The following ST6GALNAC3 variants were observed in gnomAD, a reference collection of about 807,000 sequenced individuals.
ST6GALNAC3 encodes the protein alpha-N-acetylgalactosaminide alpha-2,6-sialyltransferase 3.
In ST6GALNAC3, 25 loss-of-function variants were observed where a neutral mutation model predicts 32.7. The observed-to-expected ratio is 0.76, with a 90% CI of 0.56 to 1.07. The LOEUF (loss-of-function observed/expected upper bound fraction) is 1.07, where lower values mean the gene tolerates loss of function less well. Ranked by LOEUF, ST6GALNAC3 falls within the 50% of genes least tolerant of loss-of-function variation. The pLI is 0.00. For synonymous variants in ST6GALNAC3, 129 were observed against 133.1 expected (o/e 0.97, Z 0.21); for missense variants, 355 against 382.4 (o/e 0.93, Z 0.60).
intron 2 of ST6GALNAC3, among the ~76,000 whole-genome samples, chr1:76,405,609 TTG>T (rs34437349): frequency 0.43 from 64,714 of 149,678 alleles, 14,561 homozygotes; most frequent in South Asian, 0.58. Flanking sequence ...GTGTGTGTAT[TTG>T]TGTGTGTGTG....
At chr1:76,321,641 A>G in intron 2 of ST6GALNAC3, among the ~76,000 whole-genome samples, 1 of 152,194 alleles carries the variant, frequency 6.6e-6, no homozygotes, top group East Asian at 1.9e-4. Flanking sequence ...GGGGCCAAAC[A>G]CAAGTCACAT....
intron 2 of ST6GALNAC3, among the ~76,000 whole-genome samples, chr1:76,381,439 C>T (rs1413743622): frequency 1.3e-5 from 2 of 151,980 alleles, no homozygotes; most frequent in African/African-American, 2.4e-5. Context: ...TATTAGTAAA[C>T]ATTTATTGAA....
intron 2 of ST6GALNAC3, among the ~76,000 whole-genome samples, chr1:76,343,124 G>A (rs1326295014): frequency 6.6e-6 from 1 of 151,946 alleles, no homozygotes; most frequent in African/African-American, 2.4e-5. Flanking sequence ...TTGCTTTGGG[G>A]ATCTTCATCA....
At chr1:76,194,270 A>G (rs1654067958) in intron 1 of ST6GALNAC3, among the ~76,000 whole-genome samples, 1 of 152,200 alleles carries the variant, frequency 6.6e-6, no homozygotes, top group African/African-American at 2.4e-5. Flanking sequence ...TGAGATATAG[A>G]GTACGAGCTT....
chr1:76,406,514 A>G (rs1557860475), intron 2 of ST6GALNAC3, among the ~76,000 whole-genome samples: 1 of 152,060 alleles, frequency 6.6e-6, no homozygotes. Flanking sequence ...AATTTCAGCC[A>G]TATTTCAAGC....
chr1:76,235,012 G>A (rs17098450), intron 1 of ST6GALNAC3, among the ~76,000 whole-genome samples: 12,082 of 152,164 alleles, frequency 0.079, 1,268 homozygotes, highest in African/African-American at 0.24. Context: ...CTACAGAGTC[G>A]CTGGTGGTTA....
At chr1:76,519,452 C>G (rs1322910133) in intron 3 of ST6GALNAC3, among the ~76,000 whole-genome samples, 1 of 152,098 alleles carries the variant, frequency 6.6e-6, no homozygotes, top group Non-Finnish European at 1.5e-5. Context: ...ACACAGCCAC[C>G]TAGCACATAT....
intron 2 of ST6GALNAC3, among the ~76,000 whole-genome samples, chr1:76,391,964 T>C (rs752413273): frequency 3.3e-5 from 5 of 152,214 alleles, no homozygotes; most frequent in African/African-American, 4.8e-5. Context: ...TAATTACTTA[T>C]TAGAATTTCT....
chr1:76,128,914 T>C (rs559206549), intron 1 of ST6GALNAC3, among the ~76,000 whole-genome samples: 1 of 152,266 alleles, frequency 6.6e-6, no homozygotes, highest in Non-Finnish European at 1.5e-5. Context: ...TCCTGAATAC[T>C]TGATGTACAC....
chr1:76,353,565 G>T, intron 2 of ST6GALNAC3: 1 of 155,656 alleles, frequency 6.4e-6, no homozygotes, highest in South Asian at 1.9e-4. Flanking sequence ...AAACAGTGAA[G>T]GGATCTGGGC....
chr1:76,089,097 T>A (rs1057252034), intron 1 of ST6GALNAC3, among the ~76,000 whole-genome samples: 1 of 152,142 alleles, frequency 6.6e-6, no homozygotes. Context: ...GGCACAATCT[T>A]GGTTCACTGC....
intron 1 of ST6GALNAC3, among the ~76,000 whole-genome samples, chr1:76,231,561 T>C (rs1036802892): frequency 1.3e-5 from 2 of 152,200 alleles, no homozygotes; most frequent in Non-Finnish European, 2.9e-5. Context: ...TTGACTATTC[T>C]AGATACCTCC....
chr1:76,312,586 TA>T (rs1646787315), intron 1 of ST6GALNAC3, among the ~76,000 whole-genome samples: 1 of 149,766 alleles, frequency 6.7e-6, no homozygotes, highest in African/African-American at 2.5e-5. Context: ...AAAAAAAAAA[TA>T]AAAATAAAAA....
At chr1:76,512,380 T>C (rs1458430392) in intron 3 of ST6GALNAC3, among the ~76,000 whole-genome samples, 2 of 152,182 alleles carry the variant, frequency 1.3e-5, no homozygotes, top group Middle Eastern at 3.2e-3. Flanking sequence ...TGTTAGTAGA[T>C]AAAATTAAAA....
intron 3 of ST6GALNAC3, among the ~76,000 whole-genome samples, chr1:76,473,102 G>T (rs1265748746): frequency 6.6e-6 from 1 of 152,106 alleles, no homozygotes; most frequent in East Asian, 1.9e-4. Context: ...GCATGTCTTT[G>T]TGGGTGGGGA....
At chr1:76,192,701 G>GA (rs1287625479) in intron 1 of ST6GALNAC3, among the ~76,000 whole-genome samples, 1 of 152,168 alleles carries the variant, frequency 6.6e-6, no homozygotes, top group Admixed American at 6.6e-5. Context: ...TCGGCACTGT[G>GA]AATCATTTTT....
chr1:76,279,695 C>G (rs923153397), intron 1 of ST6GALNAC3, among the ~76,000 whole-genome samples: 2 of 152,122 alleles, frequency 1.3e-5, no homozygotes, highest in African/African-American at 4.8e-5. Flanking sequence ...GTAGCCACTT[C>G]GTCAGGAGGG....
chr1:76,129,159 G>C (rs933736301), intron 1 of ST6GALNAC3, among the ~76,000 whole-genome samples: 1 of 152,150 alleles, frequency 6.6e-6, no homozygotes, highest in African/African-American at 2.4e-5. Flanking sequence ...TGCTACCAGG[G>C]GGATTTTGGT....
At chr1:76,220,177 T>C (rs1274942065) in intron 1 of ST6GALNAC3, among the ~76,000 whole-genome samples, 2 of 152,200 alleles carry the variant, frequency 1.3e-5, no homozygotes, top group Non-Finnish European at 2.9e-5. Flanking sequence ...TCACCAGAAG[T>C]ATGAAGACAG....
Sources: gnomAD v4.1 joint callset for allele counts (sites outside exome capture counted in the v4.1 genomes callset) on GRCh38, gnomAD v4.1.1 for gene constraint, MANE v1.5 for transcripts, NCBI Gene and HGNC (gene_info 2026-07-23, HGNC 2026-07-21) for gene names.